RBFOX1: variants seen among roughly 807,000 people sequenced by gnomAD.
The protein encoded by RBFOX1 is RNA binding protein fox-1 homolog 1.
RBFOX1 carries 8 observed loss-of-function variants against 57.7 expected under a neutral mutation model. That is an observed-to-expected ratio of 0.14 (90% confidence interval 0.08 to 0.25). RBFOX1 has a LOEUF of 0.25. RBFOX1 is among the 10% of genes least tolerant of loss of function. The pLI is 1.00. For synonymous variants in RBFOX1, 326 were observed against 222.4 expected, an observed-to-expected ratio of 1.47 and a Z score of -4.15; for missense variants, 611 against 548.5, an observed-to-expected ratio of 1.11 and a Z score of -1.14.
intron 4 of RBFOX1, among the ~76,000 whole-genome samples, chr16:7,399,230 C>G (rs1597442333): frequency 6.6e-6 from 1 of 152,284 alleles, no homozygotes; most frequent in African/African-American, 2.4e-5. Flanking sequence ...GGTGGATTAC[C>G]TGAGGTCAGT....
Position 5,648,601 on chromosome 16 carries a change from C to T in RBFOX1, c.318+49640C>T, listed in dbSNP as rs375167773. On this transcript the variant is annotated intron_variant, in intron 3 of 19. Coordinates refer to the RBFOX1 transcript ENST00000641259. Reference sequence around the variant, plus strand: ...CCTATGATGCACAGGACATCTCCCACCACCAAGAATGATCTTACCCAACAC... The same window carrying T: ...CCTATGATGCACAGGACATCTCCCATCACCAAGAATGATCTTACCCAACAC... Among the ~76,000 whole-genome samples the T allele has an allele frequency of 2.6e-5, 4 of 151,982 alleles. No individual in the cohort carries two copies. The South Asian group carries it at 8.3e-4, about 32-fold the overall frequency.
At chr16:6,439,478 T>A (rs115867278) in intron 2 of RBFOX1, among the ~76,000 whole-genome samples, 5,617 of 152,246 alleles carry the variant, frequency 0.037, 370 homozygotes, top group African/African-American at 0.13. Context: ...TGTCGAGGAA[T>A]GTGGAACATC....
chr16:6,271,018 A>G (rs915491548), intron 1 of RBFOX1, among the ~76,000 whole-genome samples: 31 of 152,342 alleles, frequency 2.0e-4, no homozygotes, highest in South Asian at 6.2e-4. Context: ...AATACATCAC[A>G]ATTTGTGGGA....
chr16:6,291,866 T>C (rs529371465), intron 1 of RBFOX1, among the ~76,000 whole-genome samples: 8 of 152,312 alleles, frequency 5.3e-5, no homozygotes, highest in Non-Finnish European at 1.2e-4. Flanking sequence ...AAATCTAAGA[T>C]GATTGAGACT....
intron 3 of RBFOX1, among the ~76,000 whole-genome samples, chr16:6,902,062 G>GT (rs1363269014): frequency 6.6e-6 from 1 of 152,140 alleles, no homozygotes; most frequent in Non-Finnish European, 1.5e-5. Context: ...GAAATATAAA[G>GT]TTGCATACTT....
rs1301425830 is a variant in RBFOX1, at chr16:6,328,181, GA to G, written c.-64+11128del. ...TTGGAGACTATTATCCTAAGGAAGG[GA>G]AAACAAAATATCGTATGTTCTGACT... On this transcript the variant is annotated intron_variant, in intron 2 of 15. Transcript: ENST00000550418. Among the ~76,000 whole-genome samples, 4 of 152,110 alleles carry G rather than the reference GA, an allele frequency of 2.6e-5. No individual in the cohort carries two copies. In the East Asian group the frequency reaches 5.8e-4, roughly 22 times the overall value.
chr16:5,432,864 C>T (rs116533218), intron 1 of RBFOX1, among the ~76,000 whole-genome samples: 3,073 of 152,148 alleles, frequency 0.02, 109 homozygotes, highest in African/African-American at 0.07. Context: ...CGGTTCACTG[C>T]AAATTCCATC....
chr16:5,736,541 G>C (rs1317474565), intron 3 of RBFOX1, among the ~76,000 whole-genome samples: 3 of 152,102 alleles, frequency 2.0e-5, no homozygotes, highest in Non-Finnish European at 1.5e-5. Context: ...TGGATGCCTG[G>C]GCCGAGTGGG....
intron 3 of RBFOX1, among the ~76,000 whole-genome samples, chr16:5,858,964 C>A (rs530199793): frequency 6.6e-6 from 1 of 152,192 alleles, no homozygotes; most frequent in Non-Finnish European, 1.5e-5. Flanking sequence ...CCTGTAATCC[C>A]AGCCCTTTGG....
chr16:5,428,410 G>A lies in RBFOX1; in HGVS notation c.220-38806G>A, dbSNP rs892559227. On this transcript the variant is annotated intron_variant, in intron 1 of 2. Coordinates refer to the RBFOX1 transcript ENST00000585867. ...CAACAGTCCTTTTTCAACAGTGGCC[G>A]AGTGGACACTAAGTGCCAGGTGCTG... is the stretch of plus-strand genomic sequence containing the variant. Among the ~76,000 whole-genome samples, 9 of 152,240 alleles carry A rather than the reference G, an allele frequency of 5.9e-5. No individual in the cohort carries two copies. The East Asian group carries it at 1.2e-3, about 20-fold the overall frequency.
intron 3 of RBFOX1, among the ~76,000 whole-genome samples, chr16:5,856,149 G>T (rs1597505421): frequency 6.8e-5 from 5 of 73,818 alleles, no homozygotes; most frequent in East Asian, 3.8e-4. Context: ...GAGTCTTTAT[G>T]GTTCTCTCTC....
intron 3 of RBFOX1, among the ~76,000 whole-genome samples, chr16:6,928,626 C>G (rs1179394578): frequency 1.3e-5 from 2 of 152,166 alleles, no homozygotes; most frequent in African/African-American, 2.4e-5. Context: ...CCCAAGGTCT[C>G]TAGCAGCCTT....
At chr16:7,182,676 G>T (rs923552918) in intron 4 of RBFOX1, among the ~76,000 whole-genome samples, 3 of 152,148 alleles carry the variant, frequency 2.0e-5, no homozygotes, top group Non-Finnish European at 4.4e-5. Context: ...GCGGCAGGAA[G>T]TACGATGAAG....
At chr16:7,551,910 A>C (rs7196597) in intron 5 of RBFOX1, among the ~76,000 whole-genome samples, 19,735 of 152,156 alleles carry the variant, frequency 0.13, 1,404 homozygotes, top group East Asian at 0.21. Flanking sequence ...TAGGATAAAG[A>C]ACAGCCCATC....
At chr16:7,460,367 C>CAAAAAAAA (rs201733820) in intron 4 of RBFOX1, among the ~76,000 whole-genome samples, 52 of 46,672 alleles carry the variant, frequency 1.1e-3, no homozygotes, top group African/African-American at 5.1e-3. Flanking sequence ...AATCATTTAG[C>CAAAAAAAA]AAAATATATA....
At chr16:7,304,436 G>T (rs1568119975) in intron 4 of RBFOX1, 1 of 985,256 alleles carries the variant, frequency 1.0e-6, no homozygotes. Context: ...CCCAACGTGG[G>T]CATGTGTCCC....
At chr16:6,910,783 G>A (rs377084319) in intron 3 of RBFOX1, among the ~76,000 whole-genome samples, 25 of 152,312 alleles carry the variant, frequency 1.6e-4, no homozygotes, top group East Asian at 7.7e-4. Flanking sequence ...CAGATCCTAC[G>A]TCTGAGAATG....
intron 3 of RBFOX1, among the ~76,000 whole-genome samples, chr16:6,789,719 T>G (rs896665221): frequency 3.9e-5 from 6 of 152,148 alleles, no homozygotes; most frequent in South Asian, 2.1e-4. Context: ...GTCTTCGAAT[T>G]TTCACAGTAA....
rs541613022 is a variant in RBFOX1, at chr16:6,832,945, T to C, written c.-16+178295T>C. On this transcript the variant is annotated intron_variant, in intron 3 of 15. Coordinates refer to ENST00000550418, the MANE Select transcript of RBFOX1 (RefSeq NM_018723.4). ...CTTTCAATCTCTGGGGAGACAGATA[T>C]TAAAAATACAGTCACACAAATTGAT... 9.2e-5 allele frequency among the ~76,000 whole-genome samples: 14 copies of C among 152,292 alleles called. No individual in the cohort carries two copies. The South Asian group carries it at 1.9e-3, about 20-fold the overall frequency.
Sources: gnomAD v4.1 joint callset for allele counts (sites outside exome capture counted in the v4.1 genomes callset) on GRCh38, gnomAD v4.1.1 for gene constraint, MANE v1.5 for transcripts, NCBI Gene and HGNC (gene_info 2026-07-23, HGNC 2026-07-21) for gene names.